ZNF346: variants seen among roughly 807,000 people sequenced by gnomAD.
The protein encoded by ZNF346 is double-stranded RNA-binding zinc finger protein JAZ.
A neutral mutation model predicts 33.7 loss-of-function variants in ZNF346; 23 were observed. The ratio of observed to expected loss-of-function variants is 0.68; its 90% CI spans 0.49 to 0.97. The LOEUF is 0.97. Ranked by LOEUF, ZNF346 falls within the 50% of genes least tolerant of loss-of-function variation. ZNF346 has a pLI of 0.00. For synonymous variants in ZNF346, 134 were observed against 142.4 expected (o/e 0.94, Z 0.42); for missense variants, 340 against 371.1 (o/e 0.92, Z 0.69).
At chr5:177,025,076 C>T (rs1432999941) in intron 1 of ZNF346, among the ~76,000 whole-genome samples, 2 of 152,152 alleles carry the variant, frequency 1.3e-5, no homozygotes, top group African/African-American at 2.4e-5. Context: ...AGAACATTTC[C>T]GTCACCCCAA....
At chr5:177,037,086 TGGTTTTGTCAGTTTTGTCC>T (rs1344313128) in intron 1 of ZNF346, among the ~76,000 whole-genome samples, 1 of 152,200 alleles carries the variant, frequency 6.6e-6, no homozygotes, top group African/African-American at 2.4e-5. Context: ...CTGAAGTGGT[TGGTTTTGTCAGTTTTGTCC>T]GGTTTTGTCA....
intron 6 of ZNF346, 61 bp downstream of exon 6, chr5:177,062,212 GA>G: frequency 4.3e-6 from 6 of 1,406,954 alleles, no homozygotes; most frequent in Middle Eastern, 1.8e-4. Context: ...TTCTGCATCA[GA>G]ACAAAGCCAG....
At chr5:177,053,145 G>C (rs1240962854) in intron 5 of ZNF346, among the ~76,000 whole-genome samples, 1 of 151,918 alleles carries the variant, frequency 6.6e-6, no homozygotes, top group East Asian at 1.9e-4. Flanking sequence ...GTGAAACCCA[G>C]TCTCTACTGA....
intron 6 of ZNF346, among the ~76,000 whole-genome samples, chr5:177,062,418 G>T (rs1782663338): frequency 6.6e-6 from 1 of 152,216 alleles, no homozygotes; most frequent in South Asian, 2.1e-4. Context: ...ACACCTGGCT[G>T]TCCTAGTCTG....
At chr5:177,058,094 T>A (rs1229287172) in intron 5 of ZNF346, among the ~76,000 whole-genome samples, 1 of 151,508 alleles carries the variant, frequency 6.6e-6, no homozygotes, top group Non-Finnish European at 1.5e-5. Context: ...GTGCTGGGAT[T>A]ACAGGCATGA....
chr5:177,040,347 T>TTTTA (rs1191156023), intron 1 of ZNF346, among the ~76,000 whole-genome samples: 3 of 152,096 alleles, frequency 2.0e-5, no homozygotes, highest in African/African-American at 4.8e-5. Flanking sequence ...TGTGATTTTA[T>TTTTA]TTTATTTATT....
At chr5:177,078,480 A>G (rs1581993472) in intron 8 of ZNF346, among the ~76,000 whole-genome samples, 1 of 151,860 alleles carries the variant, frequency 6.6e-6, no homozygotes, top group Non-Finnish European at 1.5e-5. Flanking sequence ...TGGTGGGGGG[A>G]GAGTAGTTAA....
chr5:177,040,345 T>G (rs1779176453), intron 1 of ZNF346, among the ~76,000 whole-genome samples: 2 of 152,108 alleles, frequency 1.3e-5, no homozygotes, highest in African/African-American at 4.8e-5. Context: ...TATGTGATTT[T>G]ATTTTATTTA....
intron 1 of ZNF346, among the ~76,000 whole-genome samples, chr5:177,029,299 C>T (rs1331395307): frequency 1.3e-5 from 2 of 152,194 alleles, no homozygotes; most frequent in Non-Finnish European, 2.9e-5. Flanking sequence ...TGAACAAGAA[C>T]ACATTCATGT....
At chr5:177,036,414 T>G (rs950274573) in intron 1 of ZNF346, among the ~76,000 whole-genome samples, 1 of 152,216 alleles carries the variant, frequency 6.6e-6, no homozygotes, top group Non-Finnish European at 1.5e-5. Flanking sequence ...GATCTTGTTC[T>G]AAACACCTGG....
chr5:177,064,890 C>T lies in ZNF346; in HGVS notation c.*291C>T, dbSNP rs879001238. The T allele has an allele frequency of 2.9e-5, 11 of 385,766 alleles. 2 individuals are homozygous for T. In the South Asian group the frequency reaches 4.3e-4, roughly 15 times the overall value. The allele number at this position is 385,766 out of a possible 1,614,324, so 23.9% of individuals were successfully genotyped here. On this transcript the variant is annotated 3_prime_UTR_variant, in exon 7 of 7. Transcript: ENST00000358149. ...TTCCCCATTTCCCAACCCCTCTGGG[C>T]CTTAGGTGCTGAGGCCCCTGCCACC... is the stretch of plus-strand genomic sequence containing the variant.
At chr5:177,056,194 C>G (rs1044384570) in intron 5 of ZNF346, among the ~76,000 whole-genome samples, 1 of 151,942 alleles carries the variant, frequency 6.6e-6, no homozygotes, top group Non-Finnish European at 1.5e-5. Flanking sequence ...GAGATCACAC[C>G]ACTGCACTGG....
At chr5:177,035,052 T>G (rs1195254826) in intron 1 of ZNF346, among the ~76,000 whole-genome samples, 1 of 151,896 alleles carries the variant, frequency 6.6e-6, no homozygotes, top group African/African-American at 2.4e-5. Context: ...AGTCTTACTC[T>G]GTCGCCCAGG....
chr5:177,052,673 T>G (rs1781118549), intron 5 of ZNF346: 2 of 152,140 alleles, frequency 1.3e-5, no homozygotes, highest in Admixed American at 1.3e-4. Flanking sequence ...ACCCCTACAT[T>G]AAAGTTTTGC....
chr5:177,030,061 G>A (rs1449743138), intron 1 of ZNF346, among the ~76,000 whole-genome samples: 1 of 152,180 alleles, frequency 6.6e-6, no homozygotes, highest in African/African-American at 2.4e-5. Context: ...GAAGCGTTCT[G>A]TATTGTAAAA....
Position 177,051,377 on chromosome 5 carries a change from A to G in ZNF346, c.703+441A>G, listed in dbSNP as rs573397038. Among the ~76,000 whole-genome samples the G allele has an allele frequency of 4.7e-4, 72 of 151,602 alleles. No individual in the cohort carries two copies. In the South Asian group the frequency reaches 0.011, roughly 23 times the overall value. On this transcript the variant is annotated intron_variant, in intron 5 of 6. Coordinates refer to ENST00000358149, the MANE Select transcript of ZNF346 (RefSeq NM_012279.4). ...TTTTTAGTAGAGACGGGGTTTCACCATGTTAGCCAGGATGGTCTCGATCTC... is the reference window on the plus strand; with the variant it reads ...TTTTTAGTAGAGACGGGGTTTCACCGTGTTAGCCAGGATGGTCTCGATCTC...
chr5:177,033,627 C>T (rs186437788), intron 1 of ZNF346, among the ~76,000 whole-genome samples: 1,746 of 152,132 alleles, frequency 0.011, 11 homozygotes, highest in South Asian at 0.025. Flanking sequence ...GGGTTCACGC[C>T]GTTCTCCTGC....
chr5:177,035,895 T>C (rs1256360876), intron 1 of ZNF346, among the ~76,000 whole-genome samples: 2 of 151,966 alleles, frequency 1.3e-5, no homozygotes, highest in African/African-American at 4.8e-5. Flanking sequence ...CGCCTCTGCC[T>C]CCCAAAGTGC....
At chr5:177,038,876 T>TTCGTGTGTGTGTGTG (rs981637597) in intron 1 of ZNF346, among the ~76,000 whole-genome samples, 1 of 135,358 alleles carries the variant, frequency 7.4e-6, no homozygotes, top group African/African-American at 2.8e-5. Context: ...CTTCTTCTTC[T>TTCGTGTGTGTGTGTG]TGTGTGTGTG....
Sources: allele counts gnomAD v4.1 joint callset (sites outside exome capture counted in the v4.1 genomes callset), GRCh38; gene constraint gnomAD v4.1.1; transcripts MANE v1.5; gene names NCBI Gene and HGNC (gene_info 2026-07-23, HGNC 2026-07-21).